The following NEK1 variants were observed in gnomAD, a reference collection of about 807,000 sequenced individuals.
NEK1 encodes serine/threonine-protein kinase Nek1.
A neutral mutation model predicts 182.1 loss-of-function variants in NEK1; 137 were observed. The ratio of observed to expected loss-of-function variants is 0.75; its 90% CI spans 0.65 to 0.87. The LOEUF is 0.87. Among genes scored for constraint, NEK1 ranks in the 40% least tolerant of loss-of-function variants. NEK1 has a pLI of 0.00. For missense variants in NEK1, 1,391 were observed against 1,494.4 expected (o/e 0.93, Z 1.14); for synonymous variants, 513 against 492.2 (o/e 1.04, Z -0.56).
intron 9 of NEK1, among the ~76,000 whole-genome samples, chr4:169,586,430 T>G (rs934863981): frequency 6.6e-6 from 1 of 152,080 alleles, no homozygotes; most frequent in Non-Finnish European, 1.5e-5. Context: ...TGGTTCTCTA[T>G]TCCAATGCAC....
chr4:169,435,778 C>T (rs999671714), intron 28 of NEK1, among the ~76,000 whole-genome samples: 19 of 152,102 alleles, frequency 1.2e-4, no homozygotes, highest in South Asian at 2.1e-4. Context: ...ATGGGAGTGA[C>T]GTCATTTTGC....
At chr4:169,565,341 C>T (rs568929707) in intron 12 of NEK1, among the ~76,000 whole-genome samples, 9 of 152,100 alleles carry the variant, frequency 5.9e-5, no homozygotes, top group African/African-American at 1.2e-4. Flanking sequence ...AACAAACAAA[C>T]AAAAAATTCC....
At chr4:169,436,139 A>T (rs946701803) in intron 28 of NEK1, among the ~76,000 whole-genome samples, 3 of 152,184 alleles carry the variant, frequency 2.0e-5, no homozygotes, top group Admixed American at 1.3e-4. Context: ...CCTGGGCTCA[A>T]GCGATATGCC....
intron 4 of NEK1, 100 bp downstream of exon 4, chr4:169,601,908 G>A: frequency 1.2e-6 from 1 of 821,220 alleles, no homozygotes; most frequent in East Asian, 2.5e-5. Flanking sequence ...ATATGCGTAT[G>A]TTTTTAAGCA....
chr4:169,494,340 CA>C (rs1750724978), intron 23 of NEK1, among the ~76,000 whole-genome samples: 2 of 152,074 alleles, frequency 1.3e-5, no homozygotes, highest in South Asian at 4.1e-4. Context: ...TGAGTGAGAA[CA>C]TGCAGTGTTT....
chr4:169,413,755 G>A (rs1440520978), intron 31 of NEK1, among the ~76,000 whole-genome samples: 4 of 152,138 alleles, frequency 2.6e-5, no homozygotes, highest in Non-Finnish European at 5.9e-5. Context: ...GATGGCTCAC[G>A]CCTGTAATCC....
At chr4:169,492,418 C>CA (rs1252079292) in intron 23 of NEK1, among the ~76,000 whole-genome samples, 2 of 152,184 alleles carry the variant, frequency 1.3e-5, no homozygotes, top group Admixed American at 1.3e-4. Context: ...CTGAGGAACT[C>CA]AGAGTCCAGC....
chr4:169,580,490 A>G (rs1766445192), intron 11 of NEK1, among the ~76,000 whole-genome samples: 2 of 57,578 alleles, frequency 3.5e-5, no homozygotes, highest in South Asian at 1.6e-3. Context: ...GCGAAACTTC[A>G]TCTCAAAAAA....
At chr4:169,515,021 T>C (rs771406344) in intron 19 of NEK1, among the ~76,000 whole-genome samples, 19 of 152,158 alleles carry the variant, frequency 1.2e-4, no homozygotes, top group Non-Finnish European at 2.6e-4. Context: ...TTTTTGTGCG[T>C]TGTGTGTCTA....
At chr4:169,513,914 T>G (rs1183010064) in intron 19 of NEK1, among the ~76,000 whole-genome samples, 1 of 152,144 alleles carries the variant, frequency 6.6e-6, no homozygotes, top group Non-Finnish European at 1.5e-5. Flanking sequence ...TAGACTAAAT[T>G]CCACTTGGTT....
At chr4:169,496,388 C>T (rs1288605395) in intron 23 of NEK1, among the ~76,000 whole-genome samples, 7 of 150,962 alleles carry the variant, frequency 4.6e-5, no homozygotes, top group Admixed American at 2.0e-4. Flanking sequence ...AATTGAATAC[C>T]CTTTATTTCC....
chr4:169,461,149 C>A (rs1056769690), intron 27 of NEK1, among the ~76,000 whole-genome samples: 2 of 152,116 alleles, frequency 1.3e-5, no homozygotes, highest in Admixed American at 1.3e-4. Context: ...AGTAATAAAG[C>A]CAGGATTGGA....
intron 30 of NEK1, among the ~76,000 whole-genome samples, chr4:169,425,293 G>A (rs62334471): frequency 0.72 from 108,918 of 152,088 alleles, 41,625 homozygotes; most frequent in Middle Eastern, 0.88. Context: ...GTGTAGTAGC[G>A]CATGCCTATA....
rs1235384307 is a variant in NEK1 at position 169,429,766 on chromosome 4, A to G, written c.2886-3532T>C. Among the ~76,000 whole-genome samples, 3 of 152,224 alleles carry G rather than the reference A, an allele frequency of 2.0e-5. No individual in the cohort carries two copies. The East Asian group carries it at 5.8e-4, about 29-fold the overall frequency. ...CCTAAAGTATCATACTGTTGTATTTACTATCTGGATTTCTTCCTTCATGAA... is the reference window on the plus strand; with the variant it reads ...CCTAAAGTATCATACTGTTGTATTTGCTATCTGGATTTCTTCCTTCATGAA... On this transcript the variant is annotated intron_variant, in intron 29 of 35. Coordinates refer to ENST00000507142, the MANE Select transcript of NEK1 (RefSeq NM_001199397.3).
chr4:169,612,367 C>T lies in NEK1; in HGVS notation c.-318G>A, dbSNP rs1022327728. The T allele has an allele frequency of 1.3e-5, 2 of 152,060 alleles. No individual in the cohort carries two copies. Among genetic ancestry groups the T allele is most frequent in the Non-Finnish European group, 2.9e-5 (2 of 68,012 alleles). 9.4% of individuals were successfully genotyped at this position (152,060 alleles called of 1,614,324 possible). On this transcript the variant is annotated 5_prime_UTR_variant, in exon 1 of 36. Coordinates refer to ENST00000507142, the MANE Select transcript of NEK1 (RefSeq NM_001199397.3). The stretch of plus-strand genomic sequence containing the variant: ...ACGGCGGGGTGCAGCAGGGGGAGTG[C>T]CTCCGTTACCGCCTCTCCAACTTCA...
chr4:169,537,838 G>A lies in NEK1; in HGVS notation c.1636C>T (p.Gln546Ter). The change falls in exon 19 of 36, where the codon CAG (glutamine) becomes TAG (stop). Residue 546 changes from glutamine (Q) to a stop codon, truncating the protein, a stop_gained. Coordinates refer to ENST00000507142, the MANE Select transcript of NEK1 (RefSeq NM_001199397.3). LOFTEE classifies it high-confidence loss of function. ...EFLQRKREAM[Q>*]NKARAEGHMG... is the part of the protein sequence containing the mutation. ...TGTCCTTCGGCTCGAGCTTTATTCT[G>A]CATAGCTTCCCGTTTTCGCTGCAGG... is the stretch of plus-strand genomic sequence containing the variant. 1 of 1,612,200 alleles carries A rather than the reference G, an allele frequency of 6.2e-7. No individual in the cohort carries two copies. The highest frequency in any genetic ancestry group is 1.1e-5 in the South Asian group (1 of 90,818).
chr4:169,426,032 A>C lies in NEK1; in HGVS notation c.2974+114T>G, dbSNP rs572844272. On this transcript the variant is annotated intron_variant, in intron 30 of 35. Transcript: ENST00000507142. ...GCCTATTATATTTTTTAAATGATTG[A>C]GATGACTGATAAGGAATGCTTTCTT... 40 of 730,092 alleles carry C rather than the reference A, an allele frequency of 5.5e-5. No individual in the cohort carries two copies. In the African/African-American group the frequency reaches 6.9e-4, roughly 13 times the overall value. 45.2% of individuals were successfully genotyped at this position (730,092 alleles called of 1,614,324 possible). A position where few individuals can be genotyped will look rare whatever the true frequency, so the allele number is the denominator to read the frequency against.
At chr4:169,534,734 A>C (rs1758188997) in intron 19 of NEK1, among the ~76,000 whole-genome samples, 1 of 152,106 alleles carries the variant, frequency 6.6e-6, no homozygotes, top group Non-Finnish European at 1.5e-5. Flanking sequence ...GAAAGACTCA[A>C]ACTATTTCCA....
intron 35 of NEK1, among the ~76,000 whole-genome samples, chr4:169,394,925 G>A (rs1048983846): frequency 3.3e-5 from 5 of 151,928 alleles, no homozygotes; most frequent in African/African-American, 1.2e-4. Context: ...CTAGGTGGTG[G>A]GTGCATGGGT....
Sources: allele counts gnomAD v4.1 joint callset (sites outside exome capture counted in the v4.1 genomes callset), GRCh38; gene constraint gnomAD v4.1.1; transcripts MANE v1.5; gene names NCBI Gene and HGNC (gene_info 2026-07-23, HGNC 2026-07-21).